Variants in PCDHA12 observed in about 807,000 individuals in gnomAD.
PCDHA12 encodes protocadherin alpha 12, also known as protocadherin alpha-12.
In PCDHA12, 44 loss-of-function variants were observed where a neutral mutation model predicts 60.0. That is an observed-to-expected ratio of 0.73 (90% CI 0.58 to 0.94). PCDHA12 has a LOEUF of 0.94. Ranked by LOEUF, PCDHA12 falls within the 40% of genes least tolerant of loss-of-function variation. The pLI is 0.00. For synonymous variants in PCDHA12, 569 were observed against 553.0 expected, an observed-to-expected ratio of 1.03 and a Z score of -0.40; for missense variants, 1,276 against 1,239.7, an observed-to-expected ratio of 1.03 and a Z score of -0.44.
chr5:141,004,486 C>CT (rs2098167953), intron 3 of PCDHA12, among the ~76,000 whole-genome samples: 2 of 152,200 alleles, frequency 1.3e-5, no homozygotes, highest in South Asian at 4.1e-4. Flanking sequence ...TGGATTAACT[C>CT]TTGGCAGTCC....
chr5:140,931,047 C>G (rs969815598), intron 1 of PCDHA12, among the ~76,000 whole-genome samples: 5 of 152,166 alleles, frequency 3.3e-5, no homozygotes, highest in African/African-American at 9.6e-5. Context: ...AGAAAAACTT[C>G]AATGCTGTGT....
In PCDHA12 at chr5:140,875,900, C is replaced by G. The variant is rs1554168051; in HGVS notation, c.428C>G (p.Ser143Cys). 2 of 1,614,174 alleles carry G rather than the reference C, an allele frequency of 1.2e-6. No individual in the cohort carries two copies. The highest frequency in any genetic ancestry group is 2.2e-5 in the South Asian group (2 of 91,088). ...FREREQKVPV[S>C]ESAPLDSHFP... ...GAAAGGGAACAAAAGGTACCTGTTTCTGAATCTGCGCCTCTGGACTCTCAT... is the reference window on the plus strand; with the variant it reads ...GAAAGGGAACAAAAGGTACCTGTTTGTGAATCTGCGCCTCTGGACTCTCAT... Residue 143 changes from serine (S) to cysteine (C), a missense_variant, in exon 1 of 4, where the codon TCT (serine) becomes TGT (cysteine). Physicochemically the swap from Ser to Cys is moderately radical, Grantham distance 112. Transcript: ENST00000398631.
chr5:140,876,801 G>A lies in PCDHA12; in HGVS notation c.1329G>A (p.Val443=), dbSNP rs1015597244. 3.1e-6 allele frequency: 5 copies of A among 1,614,114 alleles called. No homozygotes were observed. The African/African-American group carries it at 6.7e-5, about 22-fold the overall frequency. Residue 443 remains valine, a synonymous_variant, in exon 1 of 4, where the codon GTG becomes GTA. Transcript: ENST00000398631. ...TGTGGGCCACGGCTAGAGTGTCCGT[G>A]GAGGTGGCCGACGTGAACGACAATG... The part of the protein sequence containing the change: ...PSLWATARVS[V]EVADVNDNAP...
Position 140,883,090 on chromosome 5 carries a change from T to C in PCDHA12, c.2367+5251T>C, listed in dbSNP as rs550322124. On this transcript the variant is annotated intron_variant, in intron 1 of 3. Transcript: ENST00000398631. ...CCACAGATCCTGATGATGGTACAAA[T>C]GGAGATATAGTTTACTCATTTAGAA... The C allele has an allele frequency of 1.4e-4, 226 of 1,614,138 alleles. 1 individual carries two copies. In the South Asian group the frequency reaches 2.4e-3, roughly 17 times the overall value.
chr5:140,885,213 AT>A (rs1364699535), intron 1 of PCDHA12, among the ~76,000 whole-genome samples: 44 of 152,178 alleles, frequency 2.9e-4, no homozygotes, highest in African/African-American at 1.0e-3. Context: ...CCCATGAAAA[AT>A]ATCTTGTGAT....
At position 140,876,284 on chromosome 5, in the gene PCDHA12, A is replaced by C. The variant is rs781831935; in HGVS notation, c.812A>C (p.Glu271Ala). 1.7e-5 allele frequency: 27 copies of C among 1,613,954 alleles called. No homozygotes were observed. The highest frequency in any genetic ancestry group is 2.3e-5 in the Non-Finnish European group (27 of 1,179,908). ...CAACTAAATGCTTCCGATCCAGACG[A>C]AGGACTTAATGGAGAAATTTCCTAT... The part of the protein sequence containing the change: ...VIQLNASDPD[E>A]GLNGEISYGI... The change falls in exon 1 of 4, where the codon GAA becomes GCA. Residue 271 changes from glutamate to alanine, a missense_variant. Transcript: ENST00000398631.
chr5:140,911,477 T>A (rs1457881834), intron 1 of PCDHA12, among the ~76,000 whole-genome samples: 2 of 152,132 alleles, frequency 1.3e-5, no homozygotes, highest in Non-Finnish European at 2.9e-5. Context: ...AGACTCTCAC[T>A]CAGGGCAATC....
intron 1 of PCDHA12, among the ~76,000 whole-genome samples, chr5:140,935,915 CAG>C (rs2090644404): frequency 7.6e-6 from 1 of 131,048 alleles, no homozygotes; most frequent in Non-Finnish European, 1.6e-5. Flanking sequence ...TTTTTTGAGA[CAG>C]ATTCTCATTC....
chr5:141,004,346 G>C (rs2098162740), intron 3 of PCDHA12, among the ~76,000 whole-genome samples: 1 of 152,212 alleles, frequency 6.6e-6, no homozygotes, highest in Non-Finnish European at 1.5e-5. Context: ...GTCTGTGAGG[G>C]ACTGGAGAGA....
At chr5:140,985,151 A>G (rs1335001570) in intron 3 of PCDHA12, among the ~76,000 whole-genome samples, 3 of 152,092 alleles carry the variant, frequency 2.0e-5, no homozygotes, top group Admixed American at 2.0e-4. Flanking sequence ...GTTAGCCAGG[A>G]TTGTCTCAAT....
intron 1 of PCDHA12, chr5:140,928,747 C>T (rs781895762): frequency 2.5e-6 from 4 of 1,614,132 alleles, no homozygotes; most frequent in African/African-American, 2.7e-5. Context: ...AGGTGAGCTC[C>T]GTACTGCTCG....
intron 3 of PCDHA12, among the ~76,000 whole-genome samples, chr5:141,003,690 T>C (rs1441506131): frequency 2.0e-5 from 3 of 152,232 alleles, no homozygotes; most frequent in African/African-American, 7.2e-5. Flanking sequence ...TTTTAAAATA[T>C]ATCCCTACCA....
intron 3 of PCDHA12, among the ~76,000 whole-genome samples, chr5:140,990,800 A>C (rs1474894854): frequency 3.9e-5 from 6 of 152,216 alleles, no homozygotes; most frequent in Non-Finnish European, 2.9e-5. Context: ...CATGGAATAC[A>C]GAAGAAGCTC....
At chr5:140,959,541 C>T (rs2095493793) in intron 1 of PCDHA12, among the ~76,000 whole-genome samples, 1 of 152,002 alleles carries the variant, frequency 6.6e-6, no homozygotes, top group Non-Finnish European at 1.5e-5. Flanking sequence ...TTCAGAGATG[C>T]TGTATAAATA....
At position 140,877,451 on chromosome 5, in the gene PCDHA12, C is replaced by T. The variant is rs782361627; in HGVS notation, c.1979C>T (p.Thr660Met). The part of the protein sequence containing the change: ...LVKDHGEPAL[T>M]STATVLVSLV... ...AAGGACCACGGTGAGCCCGCGCTGA[C>T]GTCCACGGCCACGGTGCTGGTGTCG... Residue 660 changes from threonine to methionine, a missense_variant, in exon 1 of 4, where the codon ACG becomes ATG. Coordinates refer to ENST00000398631, the MANE Select transcript of PCDHA12 (RefSeq NM_018903.4). The T allele has an allele frequency of 3.5e-5, 57 of 1,613,672 alleles. No individual in the cohort carries two copies. The East Asian group carries it at 1.2e-3, about 35-fold the overall frequency.
chr5:140,943,257 CAAA>C (rs1238620023), intron 1 of PCDHA12, among the ~76,000 whole-genome samples: 2 of 77,570 alleles, frequency 2.6e-5, no homozygotes. Flanking sequence ...GACTCTGTCT[CAAA>C]AAAAAAAAAA....
chr5:140,915,542 G>T (rs1253663657), intron 1 of PCDHA12, among the ~76,000 whole-genome samples: 2 of 152,030 alleles, frequency 1.3e-5, no homozygotes, highest in Admixed American at 6.6e-5. Context: ...TGGAGGTCTT[G>T]AATAAGATCC....
Position 140,982,348 on chromosome 5 carries a change from T to C in PCDHA12, c.2427-127T>C, listed in dbSNP as rs1253085859. 9 of 1,495,962 alleles carry C rather than the reference T, an allele frequency of 6.0e-6. No homozygotes were observed. The Admixed American group carries it at 1.7e-4, about 28-fold the overall frequency. 92.7% of individuals were successfully genotyped at this position (1,495,962 alleles called of 1,614,324 possible). On this transcript the variant is annotated intron_variant, in intron 2 of 3. Transcript: ENST00000398631. Reference sequence around the variant, plus strand: ...ACTGCTCAGCAGTAATTGCTTCAGTTCAAGCATGAGCAGAATGTGTTAGCT... The same window carrying C: ...ACTGCTCAGCAGTAATTGCTTCAGTCCAAGCATGAGCAGAATGTGTTAGCT...
chr5:141,009,874 G>A lies in PCDHA12; in HGVS notation c.2763G>A (p.Lys921=), dbSNP rs1554262519. The A allele has an allele frequency of 6.2e-7, 1 of 1,613,836 alleles. No individual in the cohort carries two copies. Among genetic ancestry groups the A allele is most frequent in the African/African-American group, 1.3e-5 (1 of 74,824 alleles). ...CCAAGAAAAAGAAGAAAAAGAAGAA[G>A]GGTAACAAGACCCAGGAGAAAAAAG... ...EETKKKKKKK[K]GNKTQEKKEK... is the part of the protein sequence containing the mutation. Residue 921 remains lysine, a synonymous_variant, in exon 4 of 4, where the codon AAG becomes AAA. Transcript: ENST00000398631.
Sources: gnomAD v4.1 joint callset for allele counts (sites outside exome capture counted in the v4.1 genomes callset) on GRCh38, gnomAD v4.1.1 for gene constraint, MANE v1.5 for transcripts, NCBI Gene and HGNC (gene_info 2026-07-23, HGNC 2026-07-21) for gene names.